Variants in KCNQ1 observed in about 807,000 individuals in gnomAD.
KCNQ1 encodes potassium voltage-gated channel subfamily KQT member 1.
A neutral mutation model predicts 72.4 loss-of-function variants in KCNQ1; 49 were observed. That is an observed-to-expected ratio of 0.68 (90% confidence interval 0.54 to 0.86). KCNQ1 has a LOEUF of 0.86. Among genes scored for constraint, KCNQ1 ranks in the 40% least tolerant of loss-of-function variants. The pLI is 0.00. For missense variants in KCNQ1, 790 were observed against 945.1 expected, an observed-to-expected ratio of 0.84 and a Z score of 2.15; for synonymous variants, 450 against 412.6, an observed-to-expected ratio of 1.09 and a Z score of -1.10.
At chr11:2,800,710 CTG>C (rs1240463817) in intron 15 of KCNQ1, among the ~76,000 whole-genome samples, 4 of 152,234 alleles carry the variant, frequency 2.6e-5, no homozygotes, top group Non-Finnish European at 4.4e-5. Context: ...CATAGCCTCT[CTG>C]TGACTCAGTT....
chr11:2,453,434 G>A lies in KCNQ1; in HGVS notation c.386+7950G>A, dbSNP rs1470998452. 2.0e-5 allele frequency among the ~76,000 whole-genome samples: 3 copies of A among 152,188 alleles called. No homozygotes were observed. In the East Asian group the frequency reaches 5.8e-4, roughly 29 times the overall value. ...TTGCCAGGCTGGGGGAAGATGTGAT[G>A]TTTCACGAAGGGTTAATCTGTTTAC... On this transcript the variant is annotated intron_variant, in intron 1 of 15. Coordinates refer to ENST00000155840, the MANE Select transcript of KCNQ1 (RefSeq NM_000218.3).
chr11:2,721,179 A>G (rs1359862962), intron 11 of KCNQ1, among the ~76,000 whole-genome samples: 1 of 152,196 alleles, frequency 6.6e-6, no homozygotes, highest in African/African-American at 2.4e-5. Flanking sequence ...AACTCCAGGG[A>G]GACAACTCGA....
At chr11:2,583,305 G>T in intron 6 of KCNQ1, 130 bp from the exon 7 acceptor site, 1 of 744,776 alleles carries the variant, frequency 1.3e-6, no homozygotes, top group Non-Finnish European at 2.5e-6. Context: ...CGAGTCACAC[G>T]GGGTCGTCCT....
At chr11:2,777,830 A>G (rs1846737985) in intron 14 of KCNQ1, 146 bp from the exon 15 acceptor site, 4 of 703,624 alleles carry the variant, frequency 5.7e-6, no homozygotes, top group Non-Finnish European at 1.0e-5. Flanking sequence ...TTGTCATAGC[A>G]TGCTTTTTAA....
chr11:2,557,608 T>A (rs1319173037), intron 2 of KCNQ1, among the ~76,000 whole-genome samples: 1 of 152,190 alleles, frequency 6.6e-6, no homozygotes, highest in African/African-American at 2.4e-5. Context: ...CTGCATAGTA[T>A]CAGCTGGGGC....
rs890746119 is a variant in KCNQ1 at position 2,826,020 on chromosome 11, C to A, written c.1795-21747C>A. Among the ~76,000 whole-genome samples the A allele has an allele frequency of 6.6e-6, 1 of 152,200 alleles. No individual in the cohort carries two copies. The highest frequency in any genetic ancestry group is 2.4e-5 in the African/African-American group (1 of 41,458). ...CCCGAGGCCTCGTCCTCCCCGCCATCCTGGAAACGATTTTGTTGTCTGCAG... is the reference window on the plus strand; with the variant it reads ...CCCGAGGCCTCGTCCTCCCCGCCATACTGGAAACGATTTTGTTGTCTGCAG... On this transcript the variant is annotated intron_variant, in intron 15 of 15. Coordinates refer to ENST00000155840, the MANE Select transcript of KCNQ1 (RefSeq NM_000218.3). The surrounding 1 kb of genome is among the most constrained non-coding windows in gnomAD (Gnocchi z 4.2).
In KCNQ1 at chr11:2,608,832, T is replaced by C. The variant is rs1352573463; in HGVS notation, c.1393+19978T>C. On this transcript the variant is annotated intron_variant, in intron 10 of 15. Transcript: ENST00000155840. The surrounding 1 kb of genome is among the most constrained non-coding windows in gnomAD (Gnocchi z 4.6). The stretch of plus-strand genomic sequence containing the variant: ...TTGTAAAACTGTCATTCATTTCTGA[T>C]TTTAGTAATTTGAGTTTTCTCTCTC... 1 of 398,348 alleles carries C rather than the reference T, an allele frequency of 2.5e-6. No homozygotes were observed. Among genetic ancestry groups the C allele is most frequent in the Non-Finnish European group, 4.4e-6 (1 of 226,042 alleles). 24.7% of individuals were successfully genotyped at this position (398,348 alleles called of 1,614,324 possible). A position where few individuals can be genotyped will look rare whatever the true frequency, so the allele number is the denominator to read the frequency against.
In KCNQ1 at chr11:2,504,666, A is replaced by G. The variant is rs145240496; in HGVS notation, c.387-23262A>G. On this transcript the variant is annotated intron_variant, in intron 1 of 15. Transcript: ENST00000155840. ...CAGCTACTTGGGTGGCCGAGGCATG[A>G]GAATCACTCGAACTCAGGAGGCGGA... 5.3e-3 allele frequency among the ~76,000 whole-genome samples: 805 copies of G among 152,314 alleles called. 9 individuals carry two copies. Among genetic ancestry groups the G allele is most frequent in the Middle Eastern group, 0.02 (6 of 294 alleles).
Position 2,565,009 on chromosome 11 carries a change from C to T in KCNQ1, c.478-5619C>T, listed in dbSNP as rs966601674. 7.9e-5 allele frequency among the ~76,000 whole-genome samples: 12 copies of T among 152,172 alleles called. No homozygotes were observed. Among genetic ancestry groups the T allele is most frequent in the Admixed American group, 7.2e-4 (11 of 15,272 alleles). On this transcript the variant is annotated intron_variant, in intron 2 of 15. Coordinates refer to ENST00000155840, the MANE Select transcript of KCNQ1 (RefSeq NM_000218.3). This position sits in a 1 kb window ranked among gnomAD's most constrained non-coding sequence, Gnocchi z 5.6. ...GCACTGAGGGACACTGGGCTGGTTCCCCTTTTTGGCTGTTGTGAATGTTGC... is the reference window on the plus strand; with the variant it reads ...GCACTGAGGGACACTGGGCTGGTTCTCCTTTTTGGCTGTTGTGAATGTTGC...
chr11:2,540,384 G>A (rs193237954), intron 2 of KCNQ1, among the ~76,000 whole-genome samples: 5 of 152,232 alleles, frequency 3.3e-5, no homozygotes, highest in South Asian at 2.1e-4. Context: ...GCGGCCTCAC[G>A]GGGTCAGGAG....
chr11:2,739,724 C>G (rs1846019727), intron 11 of KCNQ1, among the ~76,000 whole-genome samples: 1 of 152,244 alleles, frequency 6.6e-6, no homozygotes, highest in African/African-American at 2.4e-5. Flanking sequence ...GGCAGGTCGG[C>G]TGCTCCGAGG....
rs1848766255 is a variant in KCNQ1, at chr11:2,598,958, C to G, written c.1393+10104C>G. On this transcript the variant is annotated intron_variant, in intron 10 of 15. Coordinates refer to ENST00000155840, the MANE Select transcript of KCNQ1 (RefSeq NM_000218.3). This position sits in a 1 kb window ranked among gnomAD's most constrained non-coding sequence, Gnocchi z 6.2. ...GTGTCTCTGTCTGCTGCCAAATTGG[C>G]CTCAGGCTCTATCAATACCAGATCT... Among the ~76,000 whole-genome samples the G allele has an allele frequency of 2.0e-5, 3 of 152,212 alleles. No homozygotes were observed. The highest frequency in any genetic ancestry group is 7.2e-5 in the African/African-American group (3 of 41,454).
rs902237415 is a variant in KCNQ1 at position 2,547,579 on chromosome 11, G to A, written c.477+19561G>A. Among the ~76,000 whole-genome samples the A allele has an allele frequency of 2.6e-5, 4 of 152,180 alleles. No individual in the cohort carries two copies. The highest frequency in any genetic ancestry group is 9.7e-5 in the African/African-American group (4 of 41,408). On this transcript the variant is annotated intron_variant, in intron 2 of 15. Coordinates refer to ENST00000155840, the MANE Select transcript of KCNQ1 (RefSeq NM_000218.3). The surrounding 1 kb of genome is among the most constrained non-coding windows in gnomAD (Gnocchi z 4.2). ...TACCTTTATACATATGCCTTTCAAA[G>A]TTTCCTTGGTCCCTGGTTTCTCATT... is the stretch of plus-strand genomic sequence containing the variant.
chr11:2,833,019 G>A (rs1435838879), intron 15 of KCNQ1, among the ~76,000 whole-genome samples: 2 of 152,210 alleles, frequency 1.3e-5, no homozygotes, highest in Non-Finnish European at 2.9e-5. Context: ...TGCAGCTGCT[G>A]TTCCCTGCTC....
Position 2,626,258 on chromosome 11 carries a change from C to T in KCNQ1, c.1394-35703C>T. 2.5e-6 allele frequency: 1 copy of T among 398,378 alleles called. No homozygotes were observed. The highest frequency in any genetic ancestry group is 3.6e-5 in the East Asian group (1 of 28,048). The allele number at this position is 398,378 out of a possible 1,614,324, so 24.7% of individuals were successfully genotyped here. The stretch of plus-strand genomic sequence containing the variant: ...TAGGTAAGGGTCTCAACTTCATTCT[C>T]TTTTATACATGGTTAGGTAAGGATC... On this transcript the variant is annotated intron_variant, in intron 10 of 15. Coordinates refer to ENST00000155840, the MANE Select transcript of KCNQ1 (RefSeq NM_000218.3). The surrounding 1 kb of genome is among the most constrained non-coding windows in gnomAD (Gnocchi z 4.0).
chr11:2,597,213 ACT>A (rs1848745537), intron 10 of KCNQ1, among the ~76,000 whole-genome samples: 1 of 152,138 alleles, frequency 6.6e-6, no homozygotes, highest in Non-Finnish European at 1.5e-5. Context: ...GTACATGGAA[ACT>A]CTCAGTCTCA....
rs1278243423 is a variant in KCNQ1, at chr11:2,674,423, A to G, written c.1514+12342A>G. On this transcript the variant is annotated intron_variant, in intron 11 of 15. Transcript: ENST00000155840. This position sits in a 1 kb window ranked among gnomAD's most constrained non-coding sequence, Gnocchi z 5.9. ...TGTGTGTGTGCGCGCCCGCGCGCAC[A>G]CGACCACAGAGGCTGGGGGGAGGCA... is the stretch of plus-strand genomic sequence containing the variant. 5.0e-6 allele frequency: 2 copies of G among 398,398 alleles called. No homozygotes were observed. Among genetic ancestry groups the G allele is most frequent in the East Asian group, 3.6e-5 (1 of 28,042 alleles). The allele number at this position is 398,398 out of a possible 1,614,324, so 24.7% of individuals were successfully genotyped here. A position where few individuals can be genotyped will look rare whatever the true frequency, so the allele number is the denominator to read the frequency against.
At position 2,593,763 on chromosome 11, in the gene KCNQ1, C is replaced by G. The variant is rs769640016; in HGVS notation, c.1393+4909C>G. On this transcript the variant is annotated intron_variant, in intron 10 of 15. Coordinates refer to ENST00000155840, the MANE Select transcript of KCNQ1 (RefSeq NM_000218.3). This position sits in a 1 kb window ranked among gnomAD's most constrained non-coding sequence, Gnocchi z 6.9. The stretch of plus-strand genomic sequence containing the variant: ...TCAGGCTGTAGCCTCCTCCTGCTCC[C>G]GGCTCCGCGTCCTCAGCCCAACACA... Among the ~76,000 whole-genome samples the G allele has an allele frequency of 6.6e-6, 1 of 152,168 alleles. No homozygotes were observed. Among genetic ancestry groups the G allele is most frequent in the Non-Finnish European group, 1.5e-5 (1 of 68,040 alleles).
intron 11 of KCNQ1, among the ~76,000 whole-genome samples, chr11:2,740,732 T>C (rs970147752): frequency 1.3e-5 from 2 of 152,158 alleles, no homozygotes; most frequent in Admixed American, 1.3e-4. Flanking sequence ...GGCGCCCACA[T>C]CCCTTGGATC....
Sources: gnomAD v4.1 joint callset for allele counts (sites outside exome capture counted in the v4.1 genomes callset) on GRCh38, gnomAD v4.1.1 for gene constraint, Gnocchi (gnomAD v3.1) non-coding constraint, MANE v1.5 for transcripts, NCBI Gene and HGNC (gene_info 2026-07-23, HGNC 2026-07-21) for gene names.